MFF: variants seen among roughly 807,000 people sequenced by gnomAD.
MFF encodes the protein chromosome 2 open reading frame 33.
A neutral mutation model predicts 36.9 loss-of-function variants in MFF; 12 were observed. That is an observed-to-expected ratio of 0.33 (90% confidence interval 0.21 to 0.53). The LOEUF (loss-of-function observed/expected upper bound fraction) is 0.53. Ranked by LOEUF, MFF falls within the 20% of genes least tolerant of loss-of-function variation. The pLI is 0.95. For synonymous variants in MFF, 99 were observed against 126.2 expected, an observed-to-expected ratio of 0.78 and a Z score of 1.44; for missense variants, 348 against 366.6, an observed-to-expected ratio of 0.95 and a Z score of 0.42.
At chr2:227,331,219 CCTTT>C (rs2074547373) in intron 3 of MFF, among the ~76,000 whole-genome samples, 1 of 152,180 alleles carries the variant, frequency 6.6e-6, no homozygotes, top group Non-Finnish European at 1.5e-5. Context: ...ACCATGATCT[CCTTT>C]CTATAGCCAG....
At chr2:227,338,044 GAA>G (rs141010777) in intron 4 of MFF, among the ~76,000 whole-genome samples, 8 of 144,228 alleles carry the variant, frequency 5.5e-5, no homozygotes, top group South Asian at 2.2e-4. Flanking sequence ...ACCCTATCTG[GAA>G]AAAAAAAAAA....
chr2:227,352,317 T>C (rs1024099536), intron 6 of MFF, 197 bp from the exon 7 acceptor site: 3 of 520,852 alleles, frequency 5.8e-6, no homozygotes, highest in Non-Finnish European at 1.0e-5. Flanking sequence ...TCAATAGTAA[T>C]GTTGAGTTTA....
chr2:227,352,809 T>C (rs2076068325), intron 7 of MFF, among the ~76,000 whole-genome samples: 1 of 152,216 alleles, frequency 6.6e-6, no homozygotes, highest in Non-Finnish European at 1.5e-5. Flanking sequence ...ACAGCTATTT[T>C]ATTTAAGTGT....
At chr2:227,338,466 T>G (rs1456531580) in intron 4 of MFF, among the ~76,000 whole-genome samples, 1 of 152,212 alleles carries the variant, frequency 6.6e-6, no homozygotes, top group Non-Finnish European at 1.5e-5. Flanking sequence ...ATTGATATTT[T>G]GAAAATCTTA....
In MFF at chr2:227,328,679, G is replaced by T. The variant is rs1221032169; in HGVS notation, c.-151G>T. The T allele has an allele frequency of 6.5e-6, 1 of 154,460 alleles. No homozygotes were observed. Among genetic ancestry groups the T allele is most frequent in the African/African-American group, 2.4e-5 (1 of 41,550 alleles). 9.6% of individuals were successfully genotyped at this position (154,460 alleles called of 1,614,324 possible). ...TTAGCCCCTGTTTTTCTTCCCCAGG[G>T]ACAAAAGTGGCTCTCAATCCAGCAC... On this transcript the variant is annotated splice_region_variant and 5_prime_UTR_variant, in exon 2 of 9. Coordinates refer to ENST00000304593, the MANE Select transcript of MFF (RefSeq NM_001277062.2).
intron 1 of MFF, among the ~76,000 whole-genome samples, chr2:227,326,386 A>G (rs926201734): frequency 6.6e-6 from 1 of 151,886 alleles, no homozygotes; most frequent in African/African-American, 2.4e-5. Flanking sequence ...TGAGAGCCCA[A>G]AAGAAAAACC....
At position 227,340,266 on chromosome 2, in the gene MFF, C is replaced by T. The variant is rs4442987; in HGVS notation, c.352-26C>T. The T allele has an allele frequency of 0.93, 1,477,783 of 1,586,520 alleles. 691,907 individuals carry two copies. Among genetic ancestry groups the T allele is most frequent in the Non-Finnish European group, 0.96 (1,107,064 of 1,156,264 alleles). On this transcript the variant is annotated intron_variant, in intron 4 of 8. Coordinates refer to ENST00000304593, the MANE Select transcript of MFF (RefSeq NM_001277062.2). ...TAGCCTACTAAGAATATTTCTATTT[C>T]CTTCCCTCTCTTTGTGCCTTAACAG... is the stretch of plus-strand genomic sequence containing the variant.
At chr2:227,347,733 G>A (rs570268983) in intron 6 of MFF, among the ~76,000 whole-genome samples, 3 of 152,288 alleles carry the variant, frequency 2.0e-5, no homozygotes, top group South Asian at 2.1e-4. Context: ...ACTAGTCCTC[G>A]TTAGTCTTTT....
intron 1 of MFF, among the ~76,000 whole-genome samples, chr2:227,326,156 G>A (rs558412771): frequency 6.6e-6 from 1 of 151,548 alleles, no homozygotes; most frequent in African/African-American, 2.4e-5. Flanking sequence ...AAAGTTAGAA[G>A]CAAAGGGCAT....
At position 227,355,658 on chromosome 2, in the gene MFF, TTCTA is replaced by T. The variant is rs1216596707; in HGVS notation, c.660-15_660-12del. On this transcript the variant is annotated splice_polypyrimidine_tract_variant and intron_variant, in intron 7 of 8. Transcript: ENST00000304593. Reference sequence around the variant, plus strand: ...GTTCTACTTTACTATTCATTTGTATTTCTATCTCTTATCTGCAGGTATGGCATTT... The same window carrying T: ...GTTCTACTTTACTATTCATTTGTATTTCTCTTATCTGCAGGTATGGCATTT... 2 of 1,316,624 alleles carry T rather than the reference TTCTA, an allele frequency of 1.5e-6. No homozygotes were observed. The highest frequency in any genetic ancestry group is 2.1e-6 in the Non-Finnish European group (2 of 953,136). The allele number at this position is 1,316,624 out of a possible 1,614,324, so 81.6% of individuals were successfully genotyped here. A position where few individuals can be genotyped will look rare whatever the true frequency, so the allele number is the denominator to read the frequency against.
chr2:227,339,249 T>C (rs574871537), intron 4 of MFF, among the ~76,000 whole-genome samples: 1 of 152,254 alleles, frequency 6.6e-6, no homozygotes, highest in Non-Finnish European at 1.5e-5. Context: ...AGTTAATGAT[T>C]ATCACTGTTC....
chr2:227,332,389 T>C lies in MFF; in HGVS notation c.182-30T>C, dbSNP rs369142011. 4 of 1,563,622 alleles carry C rather than the reference T, an allele frequency of 2.6e-6. No homozygotes were observed. In the African/African-American group the frequency reaches 5.5e-5, roughly 22 times the overall value. The stretch of plus-strand genomic sequence containing the variant: ...TTTTAAAAAACCTCCCGCTTTTCTC[T>C]TCTTTGTCTCTTTTCTTGAAAACTC... On this transcript the variant is annotated intron_variant, in intron 3 of 8. Transcript: ENST00000304593.
At chr2:227,340,947 T>A (rs77216553) in intron 5 of MFF, among the ~76,000 whole-genome samples, 20,482 of 152,070 alleles carry the variant, frequency 0.13, 1,433 homozygotes, top group Non-Finnish European at 0.15. Context: ...AGAATTTTAA[T>A]CAGAAAGTCA....
At chr2:227,345,008 T>C (rs963259876) in intron 5 of MFF, among the ~76,000 whole-genome samples, 6 of 152,196 alleles carry the variant, frequency 3.9e-5, no homozygotes, top group Non-Finnish European at 4.4e-5. Context: ...TCCAATTTCA[T>C]GTGATCGTAA....
chr2:227,348,203 A>C (rs561884716), intron 6 of MFF, among the ~76,000 whole-genome samples: 1 of 152,320 alleles, frequency 6.6e-6, no homozygotes, highest in South Asian at 2.1e-4. Context: ...GAAGAATTTC[A>C]CAATAAATTA....
intron 4 of MFF, among the ~76,000 whole-genome samples, chr2:227,337,480 T>C (rs2075093194): frequency 1.3e-5 from 2 of 152,166 alleles, no homozygotes; most frequent in South Asian, 4.1e-4. Context: ...TTTGAACAGA[T>C]TGAGAGAATC....
chr2:227,331,719 G>A (rs1029372746), intron 3 of MFF, among the ~76,000 whole-genome samples: 11 of 152,132 alleles, frequency 7.2e-5, no homozygotes, highest in Admixed American at 3.3e-4. Context: ...ATCTTGCGAT[G>A]TTAATTCTAT....
rs776296134 is a variant in MFF at position 227,340,305 on chromosome 2, G to A, written c.365G>A (p.Gly122Asp). The change falls in exon 5 of 9, where the codon GGC becomes GAC. Residue 122 changes from glycine (G) to aspartate (D), a missense_variant. By Grantham distance (94) the Gly-to-Asp change is moderately conservative (BLOSUM62 -1). Transcript: ENST00000304593. ...TPQNEEIRAVGRLKRERSMSE... is the reference protein window; with the variant it reads ...TPQNEEIRAVDRLKRERSMSE... Reference sequence around the variant, plus strand: ...GTGCCTTAACAGATCCGAGCAGTTGGCAGACTAAAAAGAGAGCGGTCTATG... The same window carrying A: ...GTGCCTTAACAGATCCGAGCAGTTGACAGACTAAAAAGAGAGCGGTCTATG... The A allele has an allele frequency of 6.2e-7, 1 of 1,613,720 alleles. No homozygotes were observed. Among genetic ancestry groups the A allele is most frequent in the African/African-American group, 1.3e-5 (1 of 75,018 alleles).
intron 4 of MFF, among the ~76,000 whole-genome samples, chr2:227,334,327 CTGCTTAT>C (rs944071881): frequency 6.6e-6 from 1 of 152,194 alleles, no homozygotes; most frequent in Non-Finnish European, 1.5e-5. Context: ...TTAATACCAG[CTGCTTAT>C]TGAAAGCAAA....
Sources: allele counts gnomAD v4.1 joint callset (sites outside exome capture counted in the v4.1 genomes callset), GRCh38; gene constraint gnomAD v4.1.1; transcripts MANE v1.5; gene names NCBI Gene and HGNC (gene_info 2026-07-23, HGNC 2026-07-21).